HERC3: variants seen among roughly 807,000 people sequenced by gnomAD.
HERC3 encodes HECT and RLD domain containing E3 ubiquitin protein ligase 3, also known as probable E3 ubiquitin-protein ligase HERC3.
Under a neutral mutation model 129.9 loss-of-function variants are expected in HERC3, and 58 were observed. The ratio of observed to expected loss-of-function variants is 0.45; its 90% confidence interval spans 0.36 to 0.56. The LOEUF (loss-of-function observed/expected upper bound fraction) is 0.56. Among genes scored for constraint, HERC3 ranks in the 20% least tolerant of loss-of-function variants. The pLI, the probability that HERC3 is intolerant of heterozygous loss-of-function variation, is 0.00. For missense variants in HERC3, 835 were observed against 1,244.2 expected (o/e 0.67, Z 4.95); for synonymous variants, 430 against 451.0 (o/e 0.95, Z 0.59).
At chr4:88,665,250 A>T (rs1317481393) in intron 12 of HERC3, among the ~76,000 whole-genome samples, 2 of 152,224 alleles carry the variant, frequency 1.3e-5, no homozygotes, top group African/African-American at 4.8e-5. Context: ...TGCCATAGGC[A>T]TCTGTAATCT....
chr4:88,669,407 C>T (rs78368563), intron 14 of HERC3, among the ~76,000 whole-genome samples: 283 of 152,196 alleles, frequency 1.9e-3, no homozygotes, highest in Non-Finnish European at 2.4e-3. Flanking sequence ...ACTAATGATA[C>T]CTCTTAAAGG....
the HERC3 span, among the ~76,000 whole-genome samples, chr4:88,525,446 G>A: frequency 6.6e-6 from 1 of 152,212 alleles, no homozygotes; most frequent in Non-Finnish European, 1.5e-5. Context: ...TTCTGCAAGC[G>A]CTGAGTGGGC....
In HERC3 at chr4:88,707,014, C is replaced by T. The variant is rs747278581; in HGVS notation, c.*54C>T. The T allele has an allele frequency of 4.4e-6, 6 of 1,363,658 alleles. No individual in the cohort carries two copies. Among genetic ancestry groups the T allele is most frequent in the Non-Finnish European group, 6.3e-6 (6 of 956,504 alleles). The allele number at this position is 1,363,658 out of a possible 1,614,324, so 84.5% of individuals were successfully genotyped here. On this transcript the variant is annotated 3_prime_UTR_variant, in exon 26 of 26. Transcript: ENST00000402738. ...TCGTTCCTCAGTGTCCACATTGAGG[C>T]CTATACAGAAAATCATGGGGAGTGA...
intron 8 of HERC3, 57 bp from the exon 9 acceptor site, chr4:88,655,818 G>C: frequency 6.5e-7 from 1 of 1,534,568 alleles, no homozygotes; most frequent in Non-Finnish European, 8.9e-7. Context: ...GTCAGAGTCA[G>C]AGTGTACATC....
intron 18 of HERC3, among the ~76,000 whole-genome samples, chr4:88,676,641 T>A (rs796374927): frequency 1.1e-4 from 16 of 151,922 alleles, no homozygotes; most frequent in African/African-American, 3.6e-4. Context: ...GATGACTTAG[T>A]AAATGTTTTA....
rs571359113 is a variant in HERC3, at chr4:88,614,765, AGT to A, written c.226+8718_226+8719del. 4.5e-4 allele frequency among the ~76,000 whole-genome samples: 68 copies of A among 152,296 alleles called. 1 individual carries two copies. Among genetic ancestry groups the A allele is most frequent in the African/African-American group, 1.4e-3 (59 of 41,558 alleles). On this transcript the variant is annotated intron_variant, in intron 3 of 25. Transcript: ENST00000402738. ...TCACTGATTCAGCAGACATTTACTG[AGT>A]GACTAAACTTCTAGATTCCTCATTT...
intron 2 of HERC3, among the ~76,000 whole-genome samples, chr4:88,602,402 CA>C (rs112656963): frequency 0.013 from 659 of 51,268 alleles, 1 homozygote; most frequent in African/African-American, 0.03. Context: ...ACTTGGTCTC[CA>C]AAAAAAAAAA....
At chr4:88,646,624 G>C (rs1263966361) in intron 3 of HERC3, among the ~76,000 whole-genome samples, 1 of 152,188 alleles carries the variant, frequency 6.6e-6, no homozygotes, top group African/African-American at 2.4e-5. Context: ...TGGATCAAAA[G>C]AGACTGCATG....
chr4:88,696,147 T>G (rs944889000), intron 23 of HERC3: 1 of 152,594 alleles, frequency 6.6e-6, no homozygotes, highest in Non-Finnish European at 1.5e-5. Context: ...AGCAAAATAA[T>G]GAAGGCACAG....
intron 20 of HERC3, 61 bp downstream of exon 20, chr4:88,680,297 G>T: frequency 7.5e-7 from 1 of 1,326,760 alleles, no homozygotes; most frequent in South Asian, 1.5e-5. Flanking sequence ...TTTGTTGTCA[G>T]ACCAATCCCC....
chr4:88,597,595 T>G (rs181879501), intron 2 of HERC3, among the ~76,000 whole-genome samples: 1 of 152,334 alleles, frequency 6.6e-6, no homozygotes, highest in East Asian at 1.9e-4. Flanking sequence ...TATCCTTGAC[T>G]TGGTATTGTT....
chr4:88,683,722 A>G (rs1733072017), intron 21 of HERC3, among the ~76,000 whole-genome samples: 1 of 152,214 alleles, frequency 6.6e-6, no homozygotes, highest in Non-Finnish European at 1.5e-5. Flanking sequence ...TGCCATAAAC[A>G]TATTCTTCTT....
intron 23 of HERC3, among the ~76,000 whole-genome samples, chr4:88,698,333 T>C (rs966021986): frequency 2.0e-5 from 3 of 152,062 alleles, no homozygotes; most frequent in South Asian, 2.1e-4. Flanking sequence ...ATAGGGCAGC[T>C]TGCATATCCA....
intron 22 of HERC3, 90 bp from the exon 23 acceptor site, chr4:88,687,127 T>C: frequency 1.1e-6 from 1 of 926,318 alleles, no homozygotes. Context: ...AAACTACATT[T>C]GTTCCTAAAG....
chr4:88,582,102 C>T, the HERC3 span, among the ~76,000 whole-genome samples: 1 of 152,150 alleles, frequency 6.6e-6, no homozygotes, highest in Non-Finnish European at 1.5e-5. Flanking sequence ...TTGGATGCTT[C>T]AAAGGCTGAC....
intron 3 of HERC3, among the ~76,000 whole-genome samples, chr4:88,606,833 G>A (rs955710550): frequency 3.9e-5 from 6 of 152,120 alleles, no homozygotes; most frequent in Admixed American, 1.3e-4. Flanking sequence ...ATGAGATTTG[G>A]GTGGGGACAC....
intron 2 of HERC3, among the ~76,000 whole-genome samples, chr4:88,600,819 C>CA (rs148475088): frequency 0.047 from 7,175 of 152,236 alleles, 550 homozygotes; most frequent in African/African-American, 0.16. Flanking sequence ...ACCTAATACA[C>CA]ATTTTTTTCT....
intron 10 of HERC3, 95 bp from the exon 11 acceptor site, chr4:88,662,336 T>G: frequency 7.9e-7 from 1 of 1,267,756 alleles, no homozygotes; most frequent in South Asian, 1.5e-5. Context: ...AGATCATAAG[T>G]GAAACGTAAA....
intron 16 of HERC3, among the ~76,000 whole-genome samples, chr4:88,671,000 A>G (rs1186847603): frequency 1.3e-5 from 2 of 151,898 alleles, no homozygotes; most frequent in Non-Finnish European, 2.9e-5. Context: ...CTTCTGATTG[A>G]GAATTATGTG....
Sources: gnomAD v4.1 joint callset for allele counts (sites outside exome capture counted in the v4.1 genomes callset) on GRCh38, gnomAD v4.1.1 for gene constraint, MANE v1.5 for transcripts, NCBI Gene and HGNC (gene_info 2026-07-23, HGNC 2026-07-21) for gene names.